Variants in PRKCQ observed in about 807,000 individuals in gnomAD.
PRKCQ encodes protein kinase C theta.
A neutral mutation model predicts 91.2 loss-of-function variants in PRKCQ; 41 were observed. That is an observed-to-expected ratio of 0.45 (90% CI 0.35 to 0.58). PRKCQ has a LOEUF of 0.58. Among genes scored for constraint, PRKCQ ranks in the 20% least tolerant of loss-of-function variants. PRKCQ has a pLI of 0.00. For missense variants in PRKCQ, 673 were observed against 896.5 expected, an observed-to-expected ratio of 0.75 and a Z score of 3.18; for synonymous variants, 307 against 316.9, an observed-to-expected ratio of 0.97 and a Z score of 0.33.
the PRKCQ span, among the ~76,000 whole-genome samples, chr10:6,405,960 C>A: frequency 7.0e-4 from 107 of 152,346 alleles, 2 homozygotes; most frequent in Admixed American, 4.1e-3. Flanking sequence ...TTGGTATAAC[C>A]TCAAGTCAGG....
chr10:6,433,130 GT>G (rs1325036957), intron 16 of PRKCQ, among the ~76,000 whole-genome samples: 1 of 152,218 alleles, frequency 6.6e-6, no homozygotes, highest in Non-Finnish European at 1.5e-5. Flanking sequence ...GGCAGGCACT[GT>G]GCTAGATGCC....
At chr10:6,573,879 G>C (rs1340069406) in intron 1 of PRKCQ, among the ~76,000 whole-genome samples, 2 of 152,244 alleles carry the variant, frequency 1.3e-5, no homozygotes, top group African/African-American at 2.4e-5. Context: ...CACTCTGGGA[G>C]GCCAAGGCGG....
At chr10:6,479,197 T>C (rs775351804) in intron 11 of PRKCQ, 32 bp from the exon 12 acceptor site, 1 of 1,606,218 alleles carries the variant, frequency 6.2e-7, no homozygotes, top group Non-Finnish European at 8.5e-7. Flanking sequence ...AACTTTATTT[T>C]AGAATTTGGA....
intron 14 of PRKCQ, among the ~76,000 whole-genome samples, chr10:6,459,044 C>G (rs1835184560): frequency 6.6e-6 from 1 of 152,148 alleles, no homozygotes. Flanking sequence ...CCAACAGCAG[C>G]CTTGCCCCTG....
intron 14 of PRKCQ, among the ~76,000 whole-genome samples, chr10:6,457,253 T>TC (rs1835060244): frequency 6.6e-6 from 1 of 152,208 alleles, no homozygotes; most frequent in South Asian, 2.1e-4. Context: ...CCGGAATCCA[T>TC]CCAACGCCAG....
intron 8 of PRKCQ, chr10:6,489,545 A>C: frequency 2.1e-6 from 1 of 487,104 alleles, no homozygotes; most frequent in Non-Finnish European, 4.2e-6. Flanking sequence ...GGCAGGATGA[A>C]AGGGAGGCAG....
At chr10:6,409,300 T>C in the PRKCQ span, among the ~76,000 whole-genome samples, 1 of 152,202 alleles carries the variant, frequency 6.6e-6, no homozygotes, top group Non-Finnish European at 1.5e-5. Flanking sequence ...GTTTATTTTA[T>C]TTATTTATTT....
intron 1 of PRKCQ, among the ~76,000 whole-genome samples, chr10:6,557,823 C>T (rs974721802): frequency 2.0e-5 from 3 of 152,152 alleles, no homozygotes; most frequent in South Asian, 2.1e-4. Context: ...ATGGAATTAC[C>T]ACTTACTGAG....
intron 4 of PRKCQ, 72 bp from the exon 5 acceptor site, chr10:6,498,630 G>C (rs566603162): frequency 2.0e-6 from 3 of 1,503,004 alleles, no homozygotes; most frequent in East Asian, 2.4e-5. Context: ...TGGGTCAGGA[G>C]GGGAGGGAGA....
chr10:6,470,914 G>C (rs910158289), intron 12 of PRKCQ, among the ~76,000 whole-genome samples: 8 of 136,798 alleles, frequency 5.8e-5, no homozygotes, highest in Non-Finnish European at 9.3e-5. Flanking sequence ...GGGCAACAGA[G>C]TGAGACTGTC....
In PRKCQ at chr10:6,517,588, CTTTTTTTTTTTTTT is replaced by C. The variant is rs56306878; in HGVS notation, c.-9-2458_-9-2445del. Among the ~76,000 whole-genome samples the C allele has an allele frequency of 5.7e-3, 282 of 49,502 alleles. 2 individuals carry two copies. The highest frequency in any genetic ancestry group is 0.024 in the Middle Eastern group (1 of 42). 32.5% of individuals were successfully genotyped at this position (49,502 alleles called of 152,430 possible). The stretch of plus-strand genomic sequence containing the variant: ...AAAAAATGCATCTTTAAGATAGCAT[CTTTTTTTTTTTTTT>C]TTTTTTTTTTTTTTTTTTTTACAAC... On this transcript the variant is annotated intron_variant, in intron 1 of 17. Coordinates refer to ENST00000263125, the MANE Select transcript of PRKCQ (RefSeq NM_006257.5).
chr10:6,530,039 T>A (rs1234171810), intron 1 of PRKCQ, among the ~76,000 whole-genome samples: 3 of 152,224 alleles, frequency 2.0e-5, no homozygotes, highest in African/African-American at 7.2e-5. Flanking sequence ...TGTTTTTTGC[T>A]GTTAGTCACG....
At chr10:6,573,394 T>C (rs1239301697) in intron 1 of PRKCQ, among the ~76,000 whole-genome samples, 6 of 152,196 alleles carry the variant, frequency 3.9e-5, no homozygotes, top group African/African-American at 1.4e-4. Context: ...TGAACCCCTG[T>C]CCTTTTGGCT....
At position 6,497,224 on chromosome 10, in the gene PRKCQ, G is replaced by A; in HGVS notation, c.570C>T (p.Cys190=). 4.3e-6 allele frequency: 7 copies of A among 1,614,076 alleles called. No individual in the cohort carries two copies. Among genetic ancestry groups the A allele is most frequent in the Non-Finnish European group, 5.9e-6 (7 of 1,180,006 alleles). The change falls in exon 6 of 18, where the codon TGC becomes TGT. Residue 190 remains cysteine, a synonymous_variant. Coordinates refer to ENST00000263125, the MANE Select transcript of PRKCQ (RefSeq NM_006257.5). This position sits in a 1 kb window ranked among gnomAD's most constrained non-coding sequence, Gnocchi z 4.5. ...AACCAAAACCCTCTTACTTACGTCG[G>A]CACTGGTAGCCCTGTTTGTTCAGGC... ...VWGLNKQGYQ[C]RQCNAAIHKK... is the part of the protein sequence containing the mutation.
intron 1 of PRKCQ, among the ~76,000 whole-genome samples, chr10:6,539,880 T>C (rs1839716578): frequency 6.6e-6 from 1 of 152,234 alleles, no homozygotes; most frequent in Non-Finnish European, 1.5e-5. Flanking sequence ...ATAGTTCTAA[T>C]TGGCTGAAAG....
intron 12 of PRKCQ, among the ~76,000 whole-genome samples, chr10:6,472,679 C>G (rs1836053111): frequency 6.6e-6 from 1 of 152,044 alleles, no homozygotes; most frequent in African/African-American, 2.4e-5. Flanking sequence ...GAGAATTAAA[C>G]AATTGTCAGG....
At chr10:6,504,020 C>T (rs1838057173) in intron 4 of PRKCQ, among the ~76,000 whole-genome samples, 2 of 152,172 alleles carry the variant, frequency 1.3e-5, no homozygotes, top group African/African-American at 4.8e-5. Context: ...TCAAGTGATC[C>T]TCCTGCCTTG....
intron 16 of PRKCQ, among the ~76,000 whole-genome samples, chr10:6,433,847 A>G (rs954836400): frequency 1.3e-5 from 2 of 152,010 alleles, no homozygotes; most frequent in Non-Finnish European, 2.9e-5. Flanking sequence ...CCTAGCCAAC[A>G]TAGTGAAACC....
At chr10:6,414,540 G>A in the PRKCQ span, among the ~76,000 whole-genome samples, 1 of 152,076 alleles carries the variant, frequency 6.6e-6, no homozygotes, top group Non-Finnish European at 1.5e-5. Context: ...GACATTCAAT[G>A]TATTATTATA....
Sources: allele counts gnomAD v4.1 joint callset (sites outside exome capture counted in the v4.1 genomes callset), GRCh38; gene constraint gnomAD v4.1.1; non-coding constraint Gnocchi (gnomAD v3.1); transcripts MANE v1.5; gene names NCBI Gene and HGNC (gene_info 2026-07-23, HGNC 2026-07-21).